GMEB1: variants seen among roughly 807,000 people sequenced by gnomAD.
The protein encoded by GMEB1 is glucocorticoid modulatory element-binding protein 1.
In GMEB1, 6 loss-of-function variants were observed where a neutral mutation model predicts 52.4. The ratio of observed to expected loss-of-function variants is 0.11; its 90% CI spans 0.06 to 0.23. GMEB1 has a LOEUF of 0.23. GMEB1 is among the 10% of genes least tolerant of loss of function. The probability of loss-of-function intolerance (pLI) is 1.00; values close to 1 mark genes in which losing one functional copy is unlikely to be tolerated. For missense variants in GMEB1, 486 were observed against 685.6 expected, an observed-to-expected ratio of 0.71 and a Z score of 3.25; for synonymous variants, 255 against 244.9, an observed-to-expected ratio of 1.04 and a Z score of -0.38.
At chr1:28,704,166 CCT>C (rs767391552) in intron 7 of GMEB1, 24 bp from the exon 8 acceptor site, 20 of 1,579,874 alleles carry the variant, frequency 1.3e-5, no homozygotes, top group Middle Eastern at 3.4e-4. Flanking sequence ...TCTTTTTTAC[CCT>C]CTGTCTTATC....
chr1:28,674,380 G>C (rs1669042850), intron 1 of GMEB1, among the ~76,000 whole-genome samples: 1 of 151,862 alleles, frequency 6.6e-6, no homozygotes, highest in Non-Finnish European at 1.5e-5. Context: ...AAAAACTACG[G>C]AACAGTTAAT....
chr1:28,669,670 A>T (rs1472777404), intron 1 of GMEB1, among the ~76,000 whole-genome samples: 1 of 152,012 alleles, frequency 6.6e-6, no homozygotes, highest in Non-Finnish European at 1.5e-5. Context: ...GCAGCGTCCA[A>T]ACCTGAGGGG....
chr1:28,708,000 T>C (rs1158418913), intron 8 of GMEB1, among the ~76,000 whole-genome samples: 1 of 151,924 alleles, frequency 6.6e-6, no homozygotes, highest in Non-Finnish European at 1.5e-5. Context: ...CTGGGCTCAA[T>C]TGATCCTCCT....
At position 28,706,768 on chromosome 1, in the gene GMEB1, G is replaced by A. The variant is rs193010785; in HGVS notation, c.868+2439G>A. On this transcript the variant is annotated intron_variant, in intron 8 of 9. Transcript: ENST00000373816. ...CAACCTCCACCTCCCAAGTTCAAGTGATTCTCCTGTCTCAGCCTCCTGACT... is the reference window on the plus strand; with the variant it reads ...CAACCTCCACCTCCCAAGTTCAAGTAATTCTCCTGTCTCAGCCTCCTGACT... Among the ~76,000 whole-genome samples, 404 of 150,008 alleles carry A rather than the reference G, an allele frequency of 2.7e-3. 2 individuals carry two copies. Among genetic ancestry groups the A allele is most frequent in the African/African-American group, 9.6e-3 (392 of 40,822 alleles).
At chr1:28,680,686 G>C (rs567269341) in intron 1 of GMEB1, among the ~76,000 whole-genome samples, 3 of 151,720 alleles carry the variant, frequency 2.0e-5, no homozygotes, top group South Asian at 4.2e-4. Context: ...AGTGAGCTGA[G>C]ATCATGCCAC....
chr1:28,701,851 C>T (rs1004189411), intron 6 of GMEB1, among the ~76,000 whole-genome samples: 8 of 152,296 alleles, frequency 5.3e-5, no homozygotes, highest in Non-Finnish European at 1.2e-4. Flanking sequence ...TGAGCTACCA[C>T]GCCCAGTCAA....
At chr1:28,711,415 GT>G (rs893682824) in intron 9 of GMEB1, among the ~76,000 whole-genome samples, 131 of 151,738 alleles carry the variant, frequency 8.6e-4, no homozygotes, top group African/African-American at 2.8e-3. Flanking sequence ...ATAAAGTTTT[GT>G]TTTCTGCTTT....
rs544674919 is a variant in GMEB1 at position 28,685,761 on chromosome 1, C to A, written c.128+2021C>A. On this transcript the variant is annotated intron_variant, in intron 2 of 9. Coordinates refer to ENST00000373816, the MANE Select transcript of GMEB1 (RefSeq NM_001319674.2). The stretch of plus-strand genomic sequence containing the variant: ...GGATCACGAGGTCAGGAGTTCGAGA[C>A]CAGCATGACCAACATGGTGAAACCC... Among the ~76,000 whole-genome samples, 56 of 151,968 alleles carry A rather than the reference C, an allele frequency of 3.7e-4. 1 individual carries two copies. Among genetic ancestry groups the A allele is most frequent in the Non-Finnish European group, 2.2e-4 (15 of 68,012 alleles).
At chr1:28,705,751 G>C (rs541884956) in intron 8 of GMEB1, among the ~76,000 whole-genome samples, 2 of 151,170 alleles carry the variant, frequency 1.3e-5, no homozygotes, top group East Asian at 4.0e-4. Flanking sequence ...GCGCCCAGCC[G>C]ATACATCTAT....
At chr1:28,687,356 AC>A (rs1669697721) in intron 2 of GMEB1, among the ~76,000 whole-genome samples, 2 of 47,892 alleles carry the variant, frequency 4.2e-5, no homozygotes, top group Admixed American at 1.8e-4. Context: ...ACACACACAC[AC>A]ACACACACAC....
At chr1:28,698,840 C>T (rs987090669) in intron 6 of GMEB1, among the ~76,000 whole-genome samples, 14 of 151,660 alleles carry the variant, frequency 9.2e-5, no homozygotes, top group African/African-American at 1.9e-4. Flanking sequence ...AAAAATTAGC[C>T]GGGTGTGGTG....
rs1336044690 is a variant in GMEB1, at chr1:28,714,508, G to C, written c.1427G>C (p.Gly476Ala). 3 of 1,614,052 alleles carry C rather than the reference G, an allele frequency of 1.9e-6. No individual in the cohort carries two copies. The African/African-American group carries it at 4.0e-5, about 22-fold the overall frequency. ...GCCATGCAGGATGGGAGTACACTGG[G>C]CAACATGACCACCATGGTTAGCCCT... Reference protein sequence around the residue: ...STAMQDGSTLGNMTTMVSPVE... With the variant: ...STAMQDGSTLANMTTMVSPVE... Residue 476 changes from glycine (G) to alanine (A), a missense_variant, in exon 10 of 10, where the codon GGC (glycine) becomes GCC (alanine). Physicochemically the swap from Gly to Ala is moderately conservative, Grantham distance 60. Transcript: ENST00000373816.
At chr1:28,697,669 T>C (rs1670289650) in intron 6 of GMEB1, among the ~76,000 whole-genome samples, 1 of 152,254 alleles carries the variant, frequency 6.6e-6, no homozygotes, top group South Asian at 2.1e-4. Context: ...TACAATGCAT[T>C]GTAGGCATTA....
At chr1:28,695,938 CAAA>C (rs58978972) in intron 5 of GMEB1, among the ~76,000 whole-genome samples, 39 of 41,022 alleles carry the variant, frequency 9.5e-4, no homozygotes, top group Admixed American at 2.3e-3. Flanking sequence ...GACTCCGTCT[CAAA>C]AAAAAAAAAA....
chr1:28,698,674 CAAAAA>C (rs138996886), intron 6 of GMEB1, among the ~76,000 whole-genome samples: 2 of 120,886 alleles, frequency 1.7e-5, no homozygotes, highest in Non-Finnish European at 3.4e-5. Context: ...GACTCCATCT[CAAAAA>C]AAAAAAAAAA....
In GMEB1 at chr1:28,671,772, AAAAT is replaced by A. The variant is rs906914800; in HGVS notation, c.-31+2937_-31+2940del. ...AAAAAATAAATAAATAAATATATAAAAAATAAAACGACTACACAGTCTTCAAAAG... is the reference window on the plus strand; with the variant it reads ...AAAAAATAAATAAATAAATATATAAAAAAACGACTACACAGTCTTCAAAAG... On this transcript the variant is annotated intron_variant, in intron 1 of 9. Transcript: ENST00000373816. 3.3e-3 allele frequency among the ~76,000 whole-genome samples: 501 copies of A among 151,812 alleles called. 1 individual carries two copies. Among genetic ancestry groups the A allele is most frequent in the African/African-American group, 0.011 (474 of 41,462 alleles).
At chr1:28,688,022 C>A (rs935029179) in intron 2 of GMEB1, among the ~76,000 whole-genome samples, 1 of 152,120 alleles carries the variant, frequency 6.6e-6, no homozygotes, top group Admixed American at 6.6e-5. Context: ...CGGTGGCTCA[C>A]GCCTGTAATC....
intron 1 of GMEB1, among the ~76,000 whole-genome samples, chr1:28,682,115 C>T (rs2124476254): frequency 6.6e-6 from 1 of 152,230 alleles, no homozygotes; most frequent in East Asian, 1.9e-4. Flanking sequence ...AGTGCTCTTA[C>T]CTATACTCTC....
At chr1:28,681,478 AATAAAGGGCAAAGAAAT>A (rs1419418078) in intron 1 of GMEB1, among the ~76,000 whole-genome samples, 1 of 152,192 alleles carries the variant, frequency 6.6e-6, no homozygotes, top group Non-Finnish European at 1.5e-5. Context: ...AGGCTTAAGG[AATAAAGGGCAAAGAAAT>A]ATAAAGGTAC....
Sources: gnomAD v4.1 joint callset for allele counts (sites outside exome capture counted in the v4.1 genomes callset) on GRCh38, gnomAD v4.1.1 for gene constraint, MANE v1.5 for transcripts, NCBI Gene and HGNC (gene_info 2026-07-23, HGNC 2026-07-21) for gene names.